The following FAT3 variants were observed in gnomAD, a reference collection of about 807,000 sequenced individuals.
The protein encoded by FAT3 is FAT atypical cadherin 3.
Under a neutral mutation model 310.2 loss-of-function variants are expected in FAT3, and 95 were observed. The observed-to-expected ratio is 0.31, with a 90% CI of 0.26 to 0.36. The LOEUF is 0.36. Ranked by LOEUF, FAT3 falls within the 10% of genes least tolerant of loss-of-function variation. FAT3 has a pLI of 1.00. For synonymous variants in FAT3, 2,314 were observed against 2,192.9 expected, an observed-to-expected ratio of 1.06 and a Z score of -1.54; for missense variants, 5,408 against 5,715.6, an observed-to-expected ratio of 0.95 and a Z score of 1.74.
At chr11:92,608,442 T>C (rs1940407426) in intron 3 of FAT3, among the ~76,000 whole-genome samples, 1 of 152,144 alleles carries the variant, frequency 6.6e-6, no homozygotes, top group Non-Finnish European at 1.5e-5. Context: ...ACTCAGTTTT[T>C]AATATAAAAC....
chr11:92,480,713 G>A (rs1395160302), intron 2 of FAT3, among the ~76,000 whole-genome samples: 1 of 152,136 alleles, frequency 6.6e-6, no homozygotes, highest in African/African-American at 2.4e-5. Flanking sequence ...TTTTTTGTGT[G>A]ACTGTAAGTG....
Position 92,355,142 on chromosome 11 carries a change from G to A in FAT3, c.3030G>A (p.Val1010=), listed in dbSNP as rs1948695788. 6.2e-7 allele frequency: 1 copy of A among 1,613,666 alleles called. No homozygotes were observed. Among genetic ancestry groups the A allele is most frequent in the African/African-American group, 1.3e-5 (1 of 74,908 alleles). ...AACAGCAGTTCTATAACCTTACTGT[G>A]CGGGCCAAAGACAAAGGGCGGCCTG... ...YEKQQFYNLT[V]RAKDKGRPVS... The change falls in exon 2 of 28, where the codon GTG becomes GTA. Residue 1010 remains valine (V), a synonymous_variant. Transcript: ENST00000525166.
At chr11:92,360,797 G>T (rs1948860283) in intron 2 of FAT3, among the ~76,000 whole-genome samples, 1 of 152,140 alleles carries the variant, frequency 6.6e-6, no homozygotes, top group African/African-American at 2.4e-5. Context: ...TACATTTTAG[G>T]TACTATTTGT....
At chr11:92,282,616 A>G (rs1003037139) in intron 1 of FAT3, among the ~76,000 whole-genome samples, 1 of 151,778 alleles carries the variant, frequency 6.6e-6, no homozygotes, top group Middle Eastern at 3.2e-3. Context: ...GTGAGCCAAG[A>G]TCACACCATT....
chr11:92,292,518 T>C (rs1485434228), intron 1 of FAT3, among the ~76,000 whole-genome samples: 6 of 152,208 alleles, frequency 3.9e-5, no homozygotes, highest in Middle Eastern at 3.4e-3. Context: ...GCATGTGTAG[T>C]TTTAAAACAC....
Position 92,765,071 on chromosome 11 carries a change from C to G in FAT3, c.4177C>G (p.Leu1393Val). 1 of 1,612,560 alleles carries G rather than the reference C, an allele frequency of 6.2e-7. No homozygotes were observed. The highest frequency in any genetic ancestry group is 8.5e-7 in the Non-Finnish European group (1 of 1,179,586). The change falls in exon 6 of 28, where the codon CTG becomes GTG. Residue 1393 changes from leucine to valine, a missense_variant. Physicochemically the swap from Leu to Val is conservative, Grantham distance 32 (BLOSUM62 1). This residue lies in a region of FAT3 where 4,588 missense variants were observed against 4,809.8 expected (regional missense o/e 0.95). Coordinates refer to ENST00000525166, the MANE Select transcript of FAT3 (RefSeq NM_001367949.2). ...GTCTGTGCAGCCAGCTAACACCCCT[C>G]TGTGGTTTGACATAGTTGGTAAGTT... ...VVSVQPANTP[L>V]WFDIVGGNFD...
intron 2 of FAT3, among the ~76,000 whole-genome samples, chr11:92,370,759 T>C (rs529210154): frequency 1.4e-4 from 22 of 152,342 alleles, no homozygotes; most frequent in Non-Finnish European, 2.5e-4. Flanking sequence ...CACTAAATTC[T>C]TGTGTTTCAC....
rs1310357435 is a variant in FAT3 at position 92,883,413 on chromosome 11, G to A, written c.12937+20G>A. 6.3e-7 allele frequency: 1 copy of A among 1,582,278 alleles called. No homozygotes were observed. Among genetic ancestry groups the A allele is most frequent in the Non-Finnish European group, 8.6e-7 (1 of 1,162,422 alleles). On this transcript the variant is annotated intron_variant, in intron 24 of 27. Coordinates refer to ENST00000525166, the MANE Select transcript of FAT3 (RefSeq NM_001367949.2). The surrounding 1 kb of genome is among the most constrained non-coding windows in gnomAD (Gnocchi z 4.2). ...CTGAGAGTGAGTAGGAAGTGGTAAT[G>A]CTCACCCCTCGGTGCTTACAGGGAA... is the stretch of plus-strand genomic sequence containing the variant.
chr11:92,633,508 C>T (rs562659208), intron 3 of FAT3, among the ~76,000 whole-genome samples: 1 of 152,304 alleles, frequency 6.6e-6, no homozygotes, highest in Non-Finnish European at 1.5e-5. Context: ...AGACTGTTGA[C>T]TAGTTCCACA....
At chr11:92,637,910 A>C (rs891847322) in intron 3 of FAT3, among the ~76,000 whole-genome samples, 6 of 152,226 alleles carry the variant, frequency 3.9e-5, no homozygotes, top group African/African-American at 1.4e-4. Context: ...AATAAATTAG[A>C]ATCTCAGCAA....
At position 92,480,220 on chromosome 11, in the gene FAT3, G is replaced by T. The variant is rs561258072; in HGVS notation, c.3293-44414G>T. Among the ~76,000 whole-genome samples, 4 of 152,094 alleles carry T rather than the reference G, an allele frequency of 2.6e-5. No individual in the cohort carries two copies. The South Asian group carries it at 8.3e-4, about 32-fold the overall frequency. ...GCAGAGCTTACCGCGAGCCGAGATG[G>T]CACCACTGCACTCCAGCCTGGGCGA... is the stretch of plus-strand genomic sequence containing the variant. On this transcript the variant is annotated intron_variant, in intron 2 of 27. Transcript: ENST00000525166.
chr11:92,708,028 C>T (rs1023893316), intron 4 of FAT3, among the ~76,000 whole-genome samples: 1 of 152,140 alleles, frequency 6.6e-6, no homozygotes, highest in Non-Finnish European at 1.5e-5. Context: ...GCTTTTGTGG[C>T]AAATTGGGAG....
Position 92,810,552 on chromosome 11 carries a change from C to G in FAT3, c.9481+476C>G, listed in dbSNP as rs576364850. On this transcript the variant is annotated intron_variant, in intron 13 of 27. Coordinates refer to ENST00000525166, the MANE Select transcript of FAT3 (RefSeq NM_001367949.2). ...AATATAGTGCCCCGTAGTGCAAAGA[C>G]TAATTACTAAATGTGCTGCCAGTCC... Among the ~76,000 whole-genome samples the G allele has an allele frequency of 2.0e-5, 3 of 152,234 alleles. No individual in the cohort carries two copies. In the South Asian group the frequency reaches 6.2e-4, roughly 32 times the overall value.
intron 1 of FAT3, among the ~76,000 whole-genome samples, chr11:92,327,057 C>T (rs1357431224): frequency 2.0e-5 from 3 of 151,982 alleles, no homozygotes; most frequent in African/African-American, 7.3e-5. Context: ...ATTCTGTATG[C>T]AGTATAGGTG....
intron 20 of FAT3, 72 bp from the exon 21 acceptor site, chr11:92,859,093 G>T: frequency 6.9e-7 from 1 of 1,440,662 alleles, no homozygotes. Flanking sequence ...GTGGTTGTTG[G>T]GTGATTTCAT....
chr11:92,313,511 A>T (rs1947360066), intron 1 of FAT3, among the ~76,000 whole-genome samples: 1 of 152,128 alleles, frequency 6.6e-6, no homozygotes, highest in African/African-American at 2.4e-5. Context: ...TTAATGTGTT[A>T]CTGACAATGT....
intron 2 of FAT3, among the ~76,000 whole-genome samples, chr11:92,357,794 G>A (rs10830904): frequency 0.077 from 11,743 of 152,008 alleles, 654 homozygotes; most frequent in African/African-American, 0.15. Flanking sequence ...ACTTGCTACA[G>A]TGTTTCTACC....
In FAT3 at chr11:92,419,573, A is replaced by G. The variant is rs150665707; in HGVS notation, c.3292+64169A>G. ...GGGAGTATCTTTATATTTCTTTTAT[A>G]CCTCAGCTTTCTTTAATCCTTAGGT... On this transcript the variant is annotated intron_variant, in intron 2 of 27. Coordinates refer to ENST00000525166, the MANE Select transcript of FAT3 (RefSeq NM_001367949.2). Among the ~76,000 whole-genome samples the G allele has an allele frequency of 2.6e-5, 4 of 152,210 alleles. No homozygotes were observed. In the East Asian group the frequency reaches 7.7e-4, roughly 29 times the overall value.
chr11:92,648,460 C>G (rs1942244442), intron 3 of FAT3, among the ~76,000 whole-genome samples: 2 of 152,156 alleles, frequency 1.3e-5, no homozygotes, highest in Admixed American at 1.3e-4. Context: ...TCAGCTGATT[C>G]TAGGAATAGC....
Sources: gnomAD v4.1 joint callset for allele counts (sites outside exome capture counted in the v4.1 genomes callset) on GRCh38, gnomAD v4.1.1 for gene constraint, gnomAD v4.1.1 regional missense constraint, Gnocchi (gnomAD v3.1) non-coding constraint, MANE v1.5 for transcripts, NCBI Gene and HGNC (gene_info 2026-07-23, HGNC 2026-07-21) for gene names.